The following PTPRD variants were observed in gnomAD, a reference collection of about 807,000 sequenced individuals.
PTPRD encodes receptor-type tyrosine-protein phosphatase delta.
In PTPRD, 34 loss-of-function variants were observed where a neutral mutation model predicts 214.5. The ratio of observed to expected loss-of-function variants is 0.16; its 90% CI spans 0.12 to 0.21. PTPRD has a LOEUF of 0.21. Among genes scored for constraint, PTPRD ranks in the 10% least tolerant of loss-of-function variants. The pLI, the probability that PTPRD is intolerant of heterozygous loss-of-function variation, is 1.00. For missense variants in PTPRD, 2,545 were observed against 2,398.7 expected (o/e 1.06, Z -1.27); for synonymous variants, 1,128 against 845.7 (o/e 1.33, Z -5.79).
chr9:9,585,968 G>A (rs1030892133), intron 7 of PTPRD, among the ~76,000 whole-genome samples: 1 of 151,966 alleles, frequency 6.6e-6, no homozygotes, highest in African/African-American at 2.4e-5. Context: ...GATATATTTG[G>A]CTTCCTCTGG....
At chr9:9,972,370 G>T (rs113982443) in intron 4 of PTPRD, among the ~76,000 whole-genome samples, 6 of 152,224 alleles carry the variant, frequency 3.9e-5, no homozygotes, top group African/African-American at 1.4e-4. Context: ...GAACACCCTT[G>T]GACTTTTCTG....
At chr9:10,514,040 A>G (rs2049163090) in intron 2 of PTPRD, among the ~76,000 whole-genome samples, 1 of 152,174 alleles carries the variant, frequency 6.6e-6, no homozygotes, top group Non-Finnish European at 1.5e-5. Context: ...TCAGTATTAC[A>G]CTACATTAAT....
chr9:9,704,861 C>T (rs965576053), intron 7 of PTPRD, among the ~76,000 whole-genome samples: 4 of 152,160 alleles, frequency 2.6e-5, no homozygotes, highest in Admixed American at 2.6e-4. Flanking sequence ...TGAAAACCAT[C>T]AAGAGATATC....
chr9:10,214,922 C>G (rs1258797014), intron 3 of PTPRD, among the ~76,000 whole-genome samples: 1 of 151,968 alleles, frequency 6.6e-6, no homozygotes, highest in Middle Eastern at 3.2e-3. Context: ...TTATTTTACT[C>G]TAGGAATGTC....
chr9:10,597,251 CT>C (rs1393231944), intron 2 of PTPRD, among the ~76,000 whole-genome samples: 1 of 151,580 alleles, frequency 6.6e-6, no homozygotes, highest in Non-Finnish European at 1.5e-5. Flanking sequence ...AAGACTGCCC[CT>C]TTTAATTGTT....
chr9:9,900,138 C>A (rs577016493), intron 5 of PTPRD, among the ~76,000 whole-genome samples: 2 of 152,164 alleles, frequency 1.3e-5, no homozygotes, highest in Non-Finnish European at 2.9e-5. Context: ...AAGTTCTTCC[C>A]TGAAAACACT....
At chr9:8,977,738 A>T (rs953761286) in intron 11 of PTPRD, among the ~76,000 whole-genome samples, 15 of 150,008 alleles carry the variant, frequency 1.0e-4, no homozygotes, top group African/African-American at 3.7e-4. Context: ...CAACTTAGAG[A>T]TAGAAAGTGA....
intron 11 of PTPRD, among the ~76,000 whole-genome samples, chr9:8,827,583 G>C (rs766652462): frequency 9.2e-5 from 14 of 152,112 alleles, no homozygotes; most frequent in Non-Finnish European, 1.6e-4. Context: ...CTCCAGCCTG[G>C]GCAATAGAGT....
At chr9:8,446,467 G>C (rs912541317) in intron 34 of PTPRD, among the ~76,000 whole-genome samples, 1 of 152,154 alleles carries the variant, frequency 6.6e-6, no homozygotes, top group Non-Finnish European at 1.5e-5. Flanking sequence ...CGTAATGTTT[G>C]TTTGCTATTT....
intron 2 of PTPRD, among the ~76,000 whole-genome samples, chr9:10,345,983 C>A (rs564745115): frequency 2.0e-5 from 3 of 152,186 alleles, no homozygotes; most frequent in South Asian, 2.1e-4. Flanking sequence ...TATTTCATTG[C>A]GGTTTTGATT....
At chr9:8,629,651 G>T (rs1326220264) in intron 14 of PTPRD, among the ~76,000 whole-genome samples, 2 of 151,690 alleles carry the variant, frequency 1.3e-5, no homozygotes, top group African/African-American at 4.8e-5. Context: ...CTTAGGATGG[G>T]AAAACACAAG....
At chr9:9,907,708 A>T (rs2077998266) in intron 5 of PTPRD, among the ~76,000 whole-genome samples, 2 of 151,928 alleles carry the variant, frequency 1.3e-5, no homozygotes, top group Admixed American at 6.6e-5. Flanking sequence ...ACACTAACCA[A>T]TTTCAGAAAA....
At chr9:10,050,172 A>C (rs2097502041) in intron 3 of PTPRD, among the ~76,000 whole-genome samples, 1 of 152,012 alleles carries the variant, frequency 6.6e-6, no homozygotes, top group Non-Finnish European at 1.5e-5. Context: ...AATGAGGGTG[A>C]CTAAGAAAAG....
intron 9 of PTPRD, among the ~76,000 whole-genome samples, chr9:9,280,958 G>A (rs1364534457): frequency 6.6e-6 from 1 of 151,138 alleles, no homozygotes; most frequent in Non-Finnish European, 1.5e-5. Context: ...GAGCCAAGAA[G>A]TAGATCCACA....
chr9:8,640,529 T>C (rs897133709), intron 12 of PTPRD, among the ~76,000 whole-genome samples: 5 of 146,502 alleles, frequency 3.4e-5, no homozygotes, highest in Non-Finnish European at 7.4e-5. Context: ...CCTACCACTG[T>C]ATTGATGTGA....
chr9:10,184,756 C>T (rs1204123762), intron 3 of PTPRD, among the ~76,000 whole-genome samples: 1 of 152,144 alleles, frequency 6.6e-6, no homozygotes, highest in African/African-American at 2.4e-5. Context: ...TAAGCAATAT[C>T]TCTTGAGTCA....
At chr9:10,389,909 A>G (rs1301344305) in intron 2 of PTPRD, among the ~76,000 whole-genome samples, 1 of 151,786 alleles carries the variant, frequency 6.6e-6, no homozygotes, top group African/African-American at 2.4e-5. Context: ...GGAGCTTACC[A>G]TTGCTGACAA....
At chr9:10,556,622 C>G (rs1422166141) in intron 2 of PTPRD, among the ~76,000 whole-genome samples, 1 of 152,040 alleles carries the variant, frequency 6.6e-6, no homozygotes, top group African/African-American at 2.4e-5. Flanking sequence ...TTGACTTTAA[C>G]AGAGCCCTGA....
rs865916478 is a variant in PTPRD, at chr9:8,916,878, T to C, written c.-104+101819A>G. Among the ~76,000 whole-genome samples, 28 of 152,234 alleles carry C rather than the reference T, an allele frequency of 1.8e-4. 2 individuals are homozygous for C. The highest frequency in any genetic ancestry group is 6.3e-4 in the African/African-American group (26 of 41,532). The stretch of plus-strand genomic sequence containing the variant: ...TACATATATCAATGCATGTAGCACA[T>C]GACTAAATCTTTCTCATAAAACCTC... On this transcript the variant is annotated intron_variant, in intron 11 of 45. Transcript: ENST00000381196.
Sources: allele counts gnomAD v4.1 joint callset (sites outside exome capture counted in the v4.1 genomes callset), GRCh38; gene constraint gnomAD v4.1.1; transcripts MANE v1.5; gene names NCBI Gene and HGNC (gene_info 2026-07-23, HGNC 2026-07-21).